Variants in PTPRO observed in about 807,000 individuals in gnomAD.
PTPRO encodes receptor-type tyrosine-protein phosphatase O.
In PTPRO, 62 loss-of-function variants were observed where a neutral mutation model predicts 145.2. The ratio of observed to expected loss-of-function variants is 0.43; its 90% CI spans 0.35 to 0.53. The LOEUF is 0.53. Ranked by LOEUF, PTPRO falls within the 20% of genes least tolerant of loss-of-function variation. PTPRO has a pLI of 0.01. For missense variants in PTPRO, 1,345 were observed against 1,482.7 expected (o/e 0.91, Z 1.53); for synonymous variants, 565 against 514.7 (o/e 1.10, Z -1.32).
intron 23 of PTPRO, 91 bp downstream of exon 23, chr12:15,581,892 G>C (rs1944327859): frequency 6.5e-7 from 1 of 1,529,852 alleles, no homozygotes; most frequent in Non-Finnish European, 9.0e-7. Context: ...AGCGGCGCTA[G>C]AGGAATTACA....
chr12:15,520,500 C>T (rs1942693102), intron 10 of PTPRO, among the ~76,000 whole-genome samples, 188 bp downstream of exon 10: 1 of 152,148 alleles, frequency 6.6e-6, no homozygotes, highest in Admixed American at 6.5e-5. Context: ...AATCAAAATA[C>T]CATTTTTATT....
At chr12:15,480,924 TG>T (rs1311410147) in intron 1 of PTPRO, among the ~76,000 whole-genome samples, 1 of 152,196 alleles carries the variant, frequency 6.6e-6, no homozygotes, top group East Asian at 1.9e-4. Context: ...TTTAGTCAGT[TG>T]TTTATTTGGT....
rs553888866 is a variant in PTPRO at position 15,558,833 on chromosome 12, C to T, written c.2627+1310C>T. Reference sequence around the variant, plus strand: ...ACTCTAGTTGAAAATCTAGTTGAAACCAGATTTCTTTTAATAAGGCAATAT... The same window carrying T: ...ACTCTAGTTGAAAATCTAGTTGAAATCAGATTTCTTTTAATAAGGCAATAT... On this transcript the variant is annotated intron_variant, in intron 16 of 26. Transcript: ENST00000281171. 7.0e-4 allele frequency among the ~76,000 whole-genome samples: 107 copies of T among 152,124 alleles called. 1 individual carries two copies. Among genetic ancestry groups the T allele is most frequent in the African/African-American group, 2.5e-3 (103 of 41,504 alleles).
In PTPRO at chr12:15,448,339, T is replaced by TAAAAAAAAAAAAAAAA. The variant is rs56136736; in HGVS notation, c.76-35629_76-35614dup. On this transcript the variant is annotated intron_variant, in intron 1 of 26. Coordinates refer to ENST00000281171, the MANE Select transcript of PTPRO (RefSeq NM_030667.3). The stretch of plus-strand genomic sequence containing the variant: ...CTCTATTCTATCTTCCTGTTCCTAG[T>TAAAAAAAAAAAAAAAA]AAAAAAAAAAAAAAAAAAAAAGCAC... 8.9e-3 allele frequency among the ~76,000 whole-genome samples: 400 copies of TAAAAAAAAAAAAAAAA among 45,036 alleles called. 144 individuals carry two copies. Among genetic ancestry groups the TAAAAAAAAAAAAAAAA allele is most frequent in the East Asian group, 0.076 (87 of 1,140 alleles). The allele number at this position is 45,036 out of a possible 152,430, so 29.5% of individuals were successfully genotyped here. A position where few individuals can be genotyped will look rare whatever the true frequency, so the allele number is the denominator to read the frequency against.
intron 1 of PTPRO, among the ~76,000 whole-genome samples, chr12:15,388,388 T>A (rs1258370251): frequency 2.0e-5 from 3 of 152,210 alleles, no homozygotes; most frequent in Admixed American, 6.5e-5. Context: ...TCTGTTTTTT[T>A]AATTGAAACT....
intron 1 of PTPRO, among the ~76,000 whole-genome samples, chr12:15,400,014 G>A (rs1441366237): frequency 7.2e-6 from 1 of 139,116 alleles, no homozygotes; most frequent in Non-Finnish European, 1.5e-5. Flanking sequence ...TTGCACTAGT[G>A]CACTCCAGCC....
intron 26 of PTPRO, 145 bp downstream of exon 26, chr12:15,595,202 G>T (rs1338398870): frequency 1.5e-6 from 1 of 673,604 alleles, no homozygotes; most frequent in African/African-American, 1.8e-5. Context: ...GCCTCACATG[G>T]GTGGTCACAG....
intron 1 of PTPRO, among the ~76,000 whole-genome samples, chr12:15,403,726 C>CA (rs1349078545): frequency 1.2e-4 from 18 of 152,248 alleles, no homozygotes; most frequent in African/African-American, 4.3e-4. Context: ...GTCCCTTGTT[C>CA]ATTTCCTTCA....
intron 1 of PTPRO, among the ~76,000 whole-genome samples, chr12:15,469,144 T>C (rs1007894905): frequency 6.6e-6 from 1 of 152,186 alleles, no homozygotes; most frequent in African/African-American, 2.4e-5. Context: ...ACTGAACTCA[T>C]CCATTCCGAA....
At chr12:15,462,862 T>G (rs1240049351) in intron 1 of PTPRO, among the ~76,000 whole-genome samples, 1 of 152,168 alleles carries the variant, frequency 6.6e-6, no homozygotes, top group Non-Finnish European at 1.5e-5. Context: ...AACTAAAAAT[T>G]TCTTTCTTAC....
intron 1 of PTPRO, among the ~76,000 whole-genome samples, chr12:15,437,836 C>T (rs535097593): frequency 2.6e-5 from 4 of 152,296 alleles, no homozygotes; most frequent in African/African-American, 7.2e-5. Context: ...GATACTGGTG[C>T]TTGTGCTTGC....
intron 1 of PTPRO, among the ~76,000 whole-genome samples, chr12:15,333,239 G>C (rs1333380411): frequency 6.6e-6 from 1 of 152,094 alleles, no homozygotes; most frequent in Non-Finnish European, 1.5e-5. Flanking sequence ...ACTTCTTTCT[G>C]AACAGCCTAT....
chr12:15,501,732 A>G lies in PTPRO; in HGVS notation c.774A>G (p.Thr258=). 6.2e-7 allele frequency: 1 copy of G among 1,614,050 alleles called. No individual in the cohort carries two copies. The highest frequency in any genetic ancestry group is 2.2e-5 in the East Asian group (1 of 44,850). ...AATCCTTCATGAGATCACAAGATAC[A>G]ATAGGAAAAGAAAAACTCTTCCATT... is the stretch of plus-strand genomic sequence containing the variant. The part of the protein sequence containing the change: ...PEESFMRSQD[T]IGKEKLFHFT... The change falls in exon 5 of 27, where the codon ACA becomes ACG. Residue 258 remains threonine, a synonymous_variant. Coordinates refer to ENST00000281171, the MANE Select transcript of PTPRO (RefSeq NM_030667.3).
intron 1 of PTPRO, among the ~76,000 whole-genome samples, chr12:15,483,207 A>G (rs1251213693): frequency 6.6e-6 from 1 of 152,150 alleles, no homozygotes; most frequent in Non-Finnish European, 1.5e-5. Context: ...GAGACCAGAA[A>G]GAAAGATTAA....
intron 3 of PTPRO, 85 bp from the exon 4 acceptor site, chr12:15,499,357 T>C: frequency 7.6e-7 from 1 of 1,324,184 alleles, no homozygotes; most frequent in Non-Finnish European, 1.1e-6. Flanking sequence ...TTTGTGAATG[T>C]TTAGCCATAA....
At chr12:15,417,223 C>T (rs1940006150) in intron 1 of PTPRO, among the ~76,000 whole-genome samples, 1 of 151,550 alleles carries the variant, frequency 6.6e-6, no homozygotes, top group African/African-American at 2.4e-5. Context: ...GCCTGATAAA[C>T]CCATCATAAG....
chr12:15,525,470 C>T (rs1565684794), intron 11 of PTPRO, among the ~76,000 whole-genome samples: 1 of 152,188 alleles, frequency 6.6e-6, no homozygotes, highest in African/African-American at 2.4e-5. Context: ...TAACCAGGCA[C>T]TTCTGCTTTA....
At chr12:15,488,998 G>A (rs367888219) in intron 2 of PTPRO, among the ~76,000 whole-genome samples, 6 of 152,082 alleles carry the variant, frequency 3.9e-5, no homozygotes, top group African/African-American at 1.4e-4. Flanking sequence ...ACACATTAAA[G>A]AATACACATA....
intron 1 of PTPRO, among the ~76,000 whole-genome samples, chr12:15,458,762 C>A (rs966438519): frequency 2.0e-5 from 3 of 151,702 alleles, no homozygotes; most frequent in Non-Finnish European, 4.4e-5. Flanking sequence ...TTCTATTGAC[C>A]TCATTGAGCA....
Sources: gnomAD v4.1 joint callset for allele counts (sites outside exome capture counted in the v4.1 genomes callset) on GRCh38, gnomAD v4.1.1 for gene constraint, MANE v1.5 for transcripts, NCBI Gene and HGNC (gene_info 2026-07-23, HGNC 2026-07-21) for gene names.